COL6A6: variants seen among roughly 807,000 people sequenced by gnomAD.
The protein encoded by COL6A6 is collagen type VI alpha 6 chain.
COL6A6 carries 183 observed loss-of-function variants against 208.6 expected under a neutral mutation model. The observed-to-expected ratio is 0.88, with a 90% confidence interval of 0.78 to 0.99. The LOEUF (loss-of-function observed/expected upper bound fraction) is 0.99. Ranked by LOEUF, COL6A6 falls within the 50% of genes least tolerant of loss-of-function variation. The pLI, the probability that COL6A6 is intolerant of heterozygous loss-of-function variation, is 0.00. For synonymous variants in COL6A6, 973 were observed against 1,011.8 expected, an observed-to-expected ratio of 0.96 and a Z score of 0.73; for missense variants, 2,816 against 2,815.2, an observed-to-expected ratio of 1.00 and a Z score of -0.01.
At chr3:130,607,755 A>G (rs1356830348) in intron 21 of COL6A6, among the ~76,000 whole-genome samples, 2 of 152,226 alleles carry the variant, frequency 1.3e-5, no homozygotes, top group African/African-American at 4.8e-5. Context: ...ACCTAGCTAA[A>G]CTATGTGTAA....
intron 8 of COL6A6, among the ~76,000 whole-genome samples, chr3:130,580,858 G>A (rs960307096): frequency 6.6e-6 from 1 of 152,108 alleles, no homozygotes; most frequent in Non-Finnish European, 1.5e-5. Context: ...CCTCAAAATG[G>A]CAGTGTCCGT....
chr3:130,627,263 T>A (rs528751003), intron 25 of COL6A6, 56 bp from the exon 26 acceptor site: 1 of 1,523,122 alleles, frequency 6.6e-7, no homozygotes, highest in African/African-American at 1.4e-5. Context: ...TCTTGAAGAA[T>A]AAGCCTGTCT....
rs766362168 is a variant in COL6A6 at position 130,635,810 on chromosome 3, T to C, written c.5091+49T>C. 5 of 1,298,934 alleles carry C rather than the reference T, an allele frequency of 3.8e-6. No homozygotes were observed. In the South Asian group the frequency reaches 5.0e-5, roughly 13 times the overall value. 80.5% of individuals were successfully genotyped at this position (1,298,934 alleles called of 1,614,324 possible). On this transcript the variant is annotated intron_variant, in intron 28 of 36. Coordinates refer to ENST00000358511, the MANE Select transcript of COL6A6 (RefSeq NM_001102608.3). ...CTGACAACCTCACTACATTGGGAAG[T>C]CCTCCTTTGTGCATTTACAATAATT...
chr3:130,673,208 CA>C (rs1391554013), intron 36 of COL6A6, among the ~76,000 whole-genome samples: 1 of 95,470 alleles, frequency 1.0e-5, no homozygotes, highest in African/African-American at 6.3e-5. Flanking sequence ...ACAAAAAAAA[CA>C]AAAAAAACAA....
intron 1 of COL6A6, among the ~76,000 whole-genome samples, chr3:130,549,682 T>C (rs2062599155): frequency 6.6e-6 from 1 of 152,174 alleles, no homozygotes; most frequent in Admixed American, 6.5e-5. Context: ...GTCAGCTTTG[T>C]CAAAGATCAG....
chr3:130,634,445 A>T (rs1019537533), intron 26 of COL6A6, 145 bp from the exon 27 acceptor site: 12 of 706,760 alleles, frequency 1.7e-5, no homozygotes, highest in Non-Finnish European at 2.5e-5. Flanking sequence ...AAATACTGCT[A>T]TTTCACTTCC....
At chr3:130,624,653 T>C (rs916470101) in intron 24 of COL6A6, among the ~76,000 whole-genome samples, 1 of 152,144 alleles carries the variant, frequency 6.6e-6, no homozygotes, top group African/African-American at 2.4e-5. Flanking sequence ...TAGAGTTGGA[T>C]AGAGGTGGCC....
Position 130,676,594 on chromosome 3 carries a change from C to T in COL6A6, c.*1197C>T, listed in dbSNP as rs2108509385. 1 of 152,334 alleles carries T rather than the reference C, an allele frequency of 6.6e-6. No homozygotes were observed. The highest frequency in any genetic ancestry group is 1.9e-4 in the East Asian group (1 of 5,186). The allele number at this position is 152,334 out of a possible 1,614,324, so 9.4% of individuals were successfully genotyped here. A position where few individuals can be genotyped will look rare whatever the true frequency, so the allele number is the denominator to read the frequency against. On this transcript the variant is annotated 3_prime_UTR_variant, in exon 37 of 37. Coordinates refer to ENST00000358511, the MANE Select transcript of COL6A6 (RefSeq NM_001102608.3). ...AATGGAAAGAAGCCCTGCCTGGATG[C>T]ATGGAGCAGATGGATACTGACACCA...
chr3:130,665,591 C>T (rs1466347864), intron 36 of COL6A6, among the ~76,000 whole-genome samples: 2 of 151,982 alleles, frequency 1.3e-5, no homozygotes, highest in Non-Finnish European at 2.9e-5. Flanking sequence ...GTAAGTTGAA[C>T]GTTAGAAAGT....
At chr3:130,597,208 T>C (rs6765051) in intron 18 of COL6A6, among the ~76,000 whole-genome samples, 2,673 of 152,330 alleles carry the variant, frequency 0.018, 72 homozygotes, top group African/African-American at 0.061. Context: ...GATATTGTAA[T>C]TGAGGTATAC....
rs1477183047 is a variant in COL6A6, at chr3:130,564,891, G to A, written c.662-103G>A. On this transcript the variant is annotated intron_variant, in intron 3 of 36. Coordinates refer to ENST00000358511, the MANE Select transcript of COL6A6 (RefSeq NM_001102608.3). ...ATTATTTGTCTACCTCCTTCTCTAAGTGCATAACTGAGCTCTGCTGTATGG... is the reference window on the plus strand; with the variant it reads ...ATTATTTGTCTACCTCCTTCTCTAAATGCATAACTGAGCTCTGCTGTATGG... The A allele has an allele frequency of 3.1e-6, 4 of 1,281,496 alleles. No individual in the cohort carries two copies. In the East Asian group the frequency reaches 9.3e-5, roughly 30 times the overall value. 79.4% of individuals were successfully genotyped at this position (1,281,496 alleles called of 1,614,324 possible). A position where few individuals can be genotyped will look rare whatever the true frequency, so the allele number is the denominator to read the frequency against.
At position 130,565,334 on chromosome 3, in the gene COL6A6, G is replaced by A; in HGVS notation, c.1002G>A (p.Gln334=). The A allele has an allele frequency of 6.2e-7, 1 of 1,612,384 alleles. No homozygotes were observed. The highest frequency in any genetic ancestry group is 8.5e-7 in the Non-Finnish European group (1 of 1,179,376). The change falls in exon 4 of 37, where the codon CAG becomes CAA. Residue 334 remains glutamine, a synonymous_variant. Coordinates refer to ENST00000358511, the MANE Select transcript of COL6A6 (RefSeq NM_001102608.3). ...GTCGGAAGAATCAGGGGGTGCCCCA[G>A]ATTGCCGTGCTGGTGACCCACCGAG... ...NGSRKNQGVP[Q]IAVLVTHRDS... is the part of the protein sequence containing the mutation.
intron 21 of COL6A6, among the ~76,000 whole-genome samples, chr3:130,608,320 TGTAA>T (rs2064247141): frequency 6.6e-6 from 1 of 152,220 alleles, no homozygotes; most frequent in Non-Finnish European, 1.5e-5. Flanking sequence ...AAAAGGTATC[TGTAA>T]GTGACATTTA....
chr3:130,642,209 ATTTG>A (rs893940040), intron 29 of COL6A6, among the ~76,000 whole-genome samples: 1 of 149,710 alleles, frequency 6.7e-6, no homozygotes, highest in Non-Finnish European at 1.5e-5. Flanking sequence ...AACCAGTTCC[ATTTG>A]TTCTTCTATC....
At chr3:130,614,961 G>T (rs758170885) in intron 23 of COL6A6, among the ~76,000 whole-genome samples, 1 of 151,864 alleles carries the variant, frequency 6.6e-6, no homozygotes. Flanking sequence ...CAAATTCCTT[G>T]ATTTGTTGAT....
chr3:130,530,194 T>G (rs2062051027), intron 1 of COL6A6, among the ~76,000 whole-genome samples: 1 of 152,188 alleles, frequency 6.6e-6, no homozygotes, highest in East Asian at 1.9e-4. Flanking sequence ...TAAAAACCGT[T>G]TGGCTCTGGA....
At chr3:130,590,270 TATATATATATATATATATATATATATATA>T (rs2063646520) in intron 12 of COL6A6, among the ~76,000 whole-genome samples, 1 of 18,008 alleles carries the variant, frequency 5.6e-5, no homozygotes, top group Non-Finnish European at 1.3e-4. Context: ...TATATATATA[TATATATATATATATATATATATATATATA>T]TTTTTTTTTT....
intron 1 of COL6A6, among the ~76,000 whole-genome samples, chr3:130,552,185 G>A (rs2062658486): frequency 6.6e-6 from 1 of 152,100 alleles, no homozygotes; most frequent in African/African-American, 2.4e-5. Flanking sequence ...TTCAAGTCCG[G>A]AATATTTTTG....
chr3:130,642,921 T>G, intron 30 of COL6A6, 54 bp downstream of exon 30: 2 of 1,613,230 alleles, frequency 1.2e-6, no homozygotes, highest in South Asian at 1.1e-5. Flanking sequence ...TCAATTTACT[T>G]ATTTTTAAAC....
Sources: allele counts gnomAD v4.1 joint callset (sites outside exome capture counted in the v4.1 genomes callset), GRCh38; gene constraint gnomAD v4.1.1; transcripts MANE v1.5; gene names NCBI Gene and HGNC (gene_info 2026-07-23, HGNC 2026-07-21).